NUF2: variants seen among roughly 807,000 people sequenced by gnomAD.
NUF2 encodes NUF2 component of NDC80 kinetochore complex, also known as kinetochore protein Nuf2.
A neutral mutation model predicts 61.8 loss-of-function variants in NUF2; 34 were observed. The observed-to-expected ratio is 0.55, with a 90% CI of 0.42 to 0.73. The LOEUF is 0.73. Among genes scored for constraint, NUF2 ranks in the 30% least tolerant of loss-of-function variants. The pLI is 0.00. For missense variants in NUF2, 445 were observed against 539.1 expected (o/e 0.83, Z 1.73); for synonymous variants, 172 against 181.6 (o/e 0.95, Z 0.42).
chr1:163,345,374 G>T (rs1651089618), intron 10 of NUF2, among the ~76,000 whole-genome samples: 1 of 152,080 alleles, frequency 6.6e-6, no homozygotes, highest in Non-Finnish European at 1.5e-5. Context: ...GAAATAGTTT[G>T]AGTATTAGCA....
chr1:163,340,351 C>A lies in NUF2; in HGVS notation c.607-13C>A. 1 of 1,597,912 alleles carries A rather than the reference C, an allele frequency of 6.3e-7. No homozygotes were observed. The highest frequency in any genetic ancestry group is 8.5e-7 in the Non-Finnish European group (1 of 1,170,088). On this transcript the variant is annotated splice_polypyrimidine_tract_variant and intron_variant, in intron 8 of 13. Transcript: ENST00000271452. ...TTTGAATCATTATAAAACGTGTTTG[C>A]TTTTTCCCTTAGATAGTGCTGCAAG...
intron 10 of NUF2, 71 bp downstream of exon 10, chr1:163,343,941 T>A (rs1052991409): frequency 1.0e-6 from 1 of 990,202 alleles, no homozygotes; most frequent in African/African-American, 1.7e-5. Flanking sequence ...TTTAATTATG[T>A]GTTAATTTTT....
At chr1:163,333,141 G>T (rs1274858145) in intron 5 of NUF2, among the ~76,000 whole-genome samples, 1 of 152,122 alleles carries the variant, frequency 6.6e-6, no homozygotes, top group Non-Finnish European at 1.5e-5. Flanking sequence ...GTACCTTGAA[G>T]CTCTAGTTTT....
At chr1:163,325,814 C>T (rs1257273876) in intron 1 of NUF2, among the ~76,000 whole-genome samples, 1 of 152,056 alleles carries the variant, frequency 6.6e-6, no homozygotes, top group Non-Finnish European at 1.5e-5. Context: ...GAGAACGACA[C>T]TAGAAAATTA....
chr1:163,351,577 T>G (rs151206659), intron 13 of NUF2, among the ~76,000 whole-genome samples: 244 of 152,314 alleles, frequency 1.6e-3, no homozygotes, highest in African/African-American at 5.7e-3. Flanking sequence ...CAAGGTCCTT[T>G]GCTGCATTAT....
chr1:163,326,106 C>T lies in NUF2; in HGVS notation c.55C>T (p.Arg19Cys), dbSNP rs748878165. ...TGTAGCTGAGATTGTGATTCATATT[C>T]GCAATAAGATCTTAACAGGAGCTGA... ...YNVAEIVIHI[R>C]NKILTGADGK... Residue 19 changes from arginine to cysteine, a missense_variant, in exon 2 of 14, where the codon CGC (arginine) becomes TGC (cysteine). Coordinates refer to ENST00000271452, the MANE Select transcript of NUF2 (RefSeq NM_145697.3). 97 of 1,612,016 alleles carry T rather than the reference C, an allele frequency of 6.0e-5. No homozygotes were observed. The highest frequency in any genetic ancestry group is 8.0e-5 in the Non-Finnish European group (94 of 1,178,530).
In NUF2 at chr1:163,355,383, A is replaced by AT; in HGVS notation, c.1311dup (p.Glu438Ter). 1 of 1,609,056 alleles carries AT rather than the reference A, an allele frequency of 6.2e-7. No individual in the cohort carries two copies. The highest frequency in any genetic ancestry group is 8.5e-7 in the Non-Finnish European group (1 of 1,177,176). The stretch of plus-strand genomic sequence containing the variant: ...TGCTTTGGAGAAATACCACGACGGT[A>AT]TTGAAAAGGCAGCAGAGGACTCCTA... On this transcript the variant is annotated frameshift_variant, in exon 14 of 14. Transcript: ENST00000271452. LOFTEE classifies it low-confidence loss of function (END_TRUNC).
At position 163,345,751 on chromosome 1, in the gene NUF2, A is replaced by G; in HGVS notation, c.881A>G (p.Gln294Arg). Residue 294 changes from glutamine (Q) to arginine (R), a missense_variant, in exon 11 of 14, where the codon CAG becomes CGG. By Grantham distance (43) the Gln-to-Arg change is conservative. Transcript: ENST00000271452. ...DCLPSCQLEV[Q>R]LYQKKIQDLS... ...CTGCCTTCATGTCAGTTGGAAGTGC[A>G]GTTATATCAAAAGAAAATACAGGAC... 1 of 1,609,780 alleles carries G rather than the reference A, an allele frequency of 6.2e-7. No homozygotes were observed. The highest frequency in any genetic ancestry group is 8.5e-7 in the Non-Finnish European group (1 of 1,176,176).
chr1:163,345,276 TA>T (rs1201955418), intron 10 of NUF2, among the ~76,000 whole-genome samples: 1 of 152,144 alleles, frequency 6.6e-6, no homozygotes, highest in Non-Finnish European at 1.5e-5. Flanking sequence ...TTAATGTTTT[TA>T]AAAGAATTAG....
chr1:163,340,382 A>G lies in NUF2; in HGVS notation c.625A>G (p.Asn209Asp). The G allele has an allele frequency of 6.2e-7, 1 of 1,611,476 alleles. No individual in the cohort carries two copies. The highest frequency in any genetic ancestry group is 8.5e-7 in the Non-Finnish European group (1 of 1,178,750). Residue 209 changes from asparagine to aspartate, a missense_variant, in exon 9 of 14, where the codon AAT becomes GAT. By Grantham distance (23) the Asn-to-Asp change is conservative. Transcript: ENST00000271452. ...CCCTTAGATAGTGCTGCAAGAGGGA[A>G]ATTCCCAAAAGAAGTCAAATATTTC... ...HQKTIVLQEGNSQKKSNISEK... is the reference protein window; with the variant it reads ...HQKTIVLQEGDSQKKSNISEK...
At chr1:163,337,140 T>C (rs1650784569) in intron 6 of NUF2, among the ~76,000 whole-genome samples, 1 of 152,138 alleles carries the variant, frequency 6.6e-6, no homozygotes, top group South Asian at 2.1e-4. Flanking sequence ...AGAATATTGA[T>C]ATGTTTACAT....
intron 9 of NUF2, among the ~76,000 whole-genome samples, chr1:163,341,125 C>G (rs1650931067): frequency 6.6e-6 from 1 of 152,128 alleles, no homozygotes; most frequent in Non-Finnish European, 1.5e-5. Context: ...TCCCTATACC[C>G]TTGCCAAAAC....
In NUF2 at chr1:163,328,250, T is replaced by G; in HGVS notation, c.221T>G (p.Met74Arg). Residue 74 changes from methionine (M) to arginine (R), a missense_variant, in exon 4 of 14, where the codon ATG becomes AGG. Met to Arg is a moderately conservative substitution (Grantham distance 91, BLOSUM62 -1). Transcript: ENST00000271452. ...TAGATGCCAGTGAACTCTGAAGTCA[T>G]GTATCCACATTTAATGGAAGGCTTC... The part of the protein sequence containing the change: ...FYMMPVNSEV[M>R]YPHLMEGFLP... 6.2e-7 allele frequency: 1 copy of G among 1,608,956 alleles called. No homozygotes were observed. Among genetic ancestry groups the G allele is most frequent in the Non-Finnish European group, 8.5e-7 (1 of 1,177,144 alleles).
At position 163,328,531 on chromosome 1, in the gene NUF2, G is replaced by C. The variant is rs556180802; in HGVS notation, c.275+227G>C. ...TTTTCAATTGAACTTCTAAGATACT[G>C]TAAGTCGAAAATTGTTTACCGTCTT... On this transcript the variant is annotated intron_variant, in intron 4 of 13. Transcript: ENST00000271452. The C allele has an allele frequency of 6.0e-6, 3 of 498,390 alleles. No homozygotes were observed. The South Asian group carries it at 1.1e-4, about 18-fold the overall frequency. 30.9% of individuals were successfully genotyped at this position (498,390 alleles called of 1,614,324 possible). A position where few individuals can be genotyped will look rare whatever the true frequency, so the allele number is the denominator to read the frequency against.
Position 163,326,267 on chromosome 1 carries a change from C to T in NUF2, c.123+93C>T, listed in dbSNP as rs140039084. ...GTGTGGCAAGAAAGGGATATGGCCT[C>T]CTATTTGATGGAGACCAGTCATTTT... On this transcript the variant is annotated intron_variant, in intron 2 of 13. Transcript: ENST00000271452. The T allele has an allele frequency of 1.8e-5, 21 of 1,152,898 alleles. No homozygotes were observed. The East Asian group carries it at 5.1e-4, about 28-fold the overall frequency. The allele number at this position is 1,152,898 out of a possible 1,614,324, so 71.4% of individuals were successfully genotyped here.
intron 5 of NUF2, among the ~76,000 whole-genome samples, chr1:163,335,201 C>T (rs905448376): frequency 2.6e-5 from 4 of 152,066 alleles, no homozygotes; most frequent in African/African-American, 9.7e-5. Context: ...ATCCGCCCAC[C>T]TCGGCCTCCC....
chr1:163,323,171 G>T (rs934251390), intron 1 of NUF2: 3 of 152,182 alleles, frequency 2.0e-5, no homozygotes, highest in African/African-American at 7.2e-5. Flanking sequence ...TCTGATAGCA[G>T]AGTGCCAAAC....
At chr1:163,343,974 T>C (rs1450195372) in intron 10 of NUF2, 104 bp downstream of exon 10, 5 of 599,992 alleles carry the variant, frequency 8.3e-6, no homozygotes, top group Non-Finnish European at 1.3e-5. Context: ...TATCTATACT[T>C]CTCTTCCTCT....
chr1:163,328,723 G>A lies in NUF2; in HGVS notation c.276-123G>A, dbSNP rs145374209. ...TACATTATAGTAGAATTCTGGCTTC[G>A]TCCACTGACCTTAAGAAATATATCC... On this transcript the variant is annotated intron_variant, in intron 4 of 13. Coordinates refer to ENST00000271452, the MANE Select transcript of NUF2 (RefSeq NM_145697.3). The A allele has an allele frequency of 2.1e-4, 136 of 642,106 alleles. No individual in the cohort carries two copies. The African/African-American group carries it at 2.1e-3, about 10-fold the overall frequency. 39.8% of individuals were successfully genotyped at this position (642,106 alleles called of 1,614,324 possible).
Sources: allele counts gnomAD v4.1 joint callset (sites outside exome capture counted in the v4.1 genomes callset), GRCh38; gene constraint gnomAD v4.1.1; transcripts MANE v1.5; gene names NCBI Gene and HGNC (gene_info 2026-07-23, HGNC 2026-07-21).